The following SEMA5B variants were observed in gnomAD, a reference collection of about 807,000 sequenced individuals.
SEMA5B encodes semaphorin 5B, also known as semaphorin-5B.
A neutral mutation model predicts 135.0 loss-of-function variants in SEMA5B; 66 were observed. That is an observed-to-expected ratio of 0.49 (90% confidence interval 0.40 to 0.60). The LOEUF is 0.60. Among genes scored for constraint, SEMA5B ranks in the 20% least tolerant of loss-of-function variants. SEMA5B has a pLI of 0.00. For synonymous variants in SEMA5B, 690 were observed against 639.5 expected (o/e 1.08, Z -1.19); for missense variants, 1,501 against 1,566.3 (o/e 0.96, Z 0.70).
chr3:123,020,051 A>C (rs955716158), intron 1 of SEMA5B, among the ~76,000 whole-genome samples: 1 of 152,250 alleles, frequency 6.6e-6, no homozygotes, highest in African/African-American at 2.4e-5. Context: ...TAAATGGTCC[A>C]TGTGAAAAAG....
At chr3:122,946,535 C>T (rs1447889037) in intron 3 of SEMA5B, among the ~76,000 whole-genome samples, 2 of 152,088 alleles carry the variant, frequency 1.3e-5, no homozygotes, top group African/African-American at 2.4e-5. Context: ...ATCCCCAGAG[C>T]ACAGTCCTTT....
rs2107671890 is a variant in SEMA5B at position 122,978,542 on chromosome 3, G to A, written c.-38-17241C>T. Among the ~76,000 whole-genome samples the A allele has an allele frequency of 2.0e-5, 3 of 152,106 alleles. No homozygotes were observed. In the Middle Eastern group the frequency reaches 0.01, roughly 517 times the overall value. On this transcript the variant is annotated intron_variant, in intron 1 of 22. Coordinates refer to ENST00000357599, the MANE Select transcript of SEMA5B (RefSeq NM_001031702.4). ...GAGTTATGTTCCTGAAAACCTTACA[G>A]CTAAATAGGTAACTGCCAGAGAATG...
At chr3:122,983,056 G>A (rs1188913308) in intron 1 of SEMA5B, among the ~76,000 whole-genome samples, 1 of 152,094 alleles carries the variant, frequency 6.6e-6, no homozygotes, top group Non-Finnish European at 1.5e-5. Flanking sequence ...GCCAGGCAGG[G>A]CGGCTGCGGG....
At chr3:122,915,742 C>T (rs200160259) in intron 13 of SEMA5B, 31 bp downstream of exon 13, 1 of 1,609,580 alleles carries the variant, frequency 6.2e-7, no homozygotes, top group African/African-American at 1.3e-5. Context: ...AAGGAGGGGT[C>T]TGAGATGGGA....
chr3:122,914,231 C>G (rs1020079791), intron 14 of SEMA5B, among the ~76,000 whole-genome samples: 1 of 152,208 alleles, frequency 6.6e-6, no homozygotes, highest in Non-Finnish European at 1.5e-5. Flanking sequence ...TCATGCTGTG[C>G]TCAGGACTAA....
At chr3:122,937,849 C>T (rs76416590) in intron 5 of SEMA5B, among the ~76,000 whole-genome samples, 1,705 of 152,298 alleles carry the variant, frequency 0.011, 23 homozygotes, top group South Asian at 0.014. Flanking sequence ...ACCACAGGAA[C>T]CAAATAAAAA....
chr3:122,927,952 G>T lies in SEMA5B; in HGVS notation c.688C>A (p.Pro230Thr). The change falls in exon 8 of 23, where the codon CCC (proline) becomes ACC (threonine). Residue 230 changes from proline (P) to threonine (T), a missense_variant. Physicochemically the swap from Pro to Thr is conservative, Grantham distance 38. This residue lies in a region of SEMA5B where 574 missense variants were observed against 684.7 expected (regional missense o/e 0.84). Coordinates refer to ENST00000357599, the MANE Select transcript of SEMA5B (RefSeq NM_001031702.4). ...GTGGAGTTGTGGCGTGGGTCATAGGGGCAGCGGGCCACACCATTGATCTTC... is the reference window on the plus strand; with the variant it reads ...GTGGAGTTGTGGCGTGGGTCATAGGTGCAGCGGGCCACACCATTGATCTTC... ...IEKINGVARCPYDPRHNSTAV... is the reference protein window; with the variant it reads ...IEKINGVARCTYDPRHNSTAV... The T allele has an allele frequency of 6.4e-7, 1 of 1,573,830 alleles. No individual in the cohort carries two copies. Among genetic ancestry groups the T allele is most frequent in the Non-Finnish European group, 8.6e-7 (1 of 1,159,056 alleles).
At chr3:122,988,799 C>T (rs1007843203) in intron 1 of SEMA5B, among the ~76,000 whole-genome samples, 2 of 152,270 alleles carry the variant, frequency 1.3e-5, no homozygotes, top group East Asian at 1.9e-4. Flanking sequence ...GCTACCACAC[C>T]TCAATCAGCC....
At chr3:122,950,282 G>A (rs1379164216) in intron 2 of SEMA5B, among the ~76,000 whole-genome samples, 1 of 152,232 alleles carries the variant, frequency 6.6e-6, no homozygotes, top group Non-Finnish European at 1.5e-5. Flanking sequence ...CAGTCTTCCG[G>A]TGAAGCAGTG....
intron 1 of SEMA5B, among the ~76,000 whole-genome samples, chr3:122,965,495 T>G (rs1940779863): frequency 6.6e-6 from 1 of 152,192 alleles, no homozygotes; most frequent in Non-Finnish European, 1.5e-5. Flanking sequence ...CATTTGAATG[T>G]GATGTCTTGA....
intron 2 of SEMA5B, among the ~76,000 whole-genome samples, chr3:122,959,963 T>A (rs1360004594): frequency 6.6e-6 from 1 of 152,258 alleles, no homozygotes; most frequent in Non-Finnish European, 1.5e-5. Context: ...GCTAAGGATG[T>A]CGCCAGACGC....
intron 1 of SEMA5B, among the ~76,000 whole-genome samples, chr3:123,025,984 A>G (rs1189688180): frequency 6.6e-6 from 1 of 152,152 alleles, no homozygotes; most frequent in East Asian, 1.9e-4. Context: ...CCGGCTTAGA[A>G]AAGGTGAGAG....
At chr3:123,001,654 C>A (rs1245470032) in intron 1 of SEMA5B, among the ~76,000 whole-genome samples, 1 of 152,160 alleles carries the variant, frequency 6.6e-6, no homozygotes, top group Non-Finnish European at 1.5e-5. Flanking sequence ...TGCACTTAGA[C>A]AACATGAGCT....
chr3:122,979,721 G>A (rs1034855137), intron 1 of SEMA5B, among the ~76,000 whole-genome samples: 2 of 152,184 alleles, frequency 1.3e-5, no homozygotes, highest in South Asian at 4.1e-4. Context: ...CCATCCATCT[G>A]GTTTTCCCAA....
Position 122,935,686 on chromosome 3 carries a change from C to CTTTT in SEMA5B, c.474+3735_474+3738dup, listed in dbSNP as rs147968317. Among the ~76,000 whole-genome samples the CTTTT allele has an allele frequency of 4.4e-3, 311 of 70,226 alleles. 18 individuals carry two copies. Among genetic ancestry groups the CTTTT allele is most frequent in the Middle Eastern group, 0.041 (4 of 98 alleles). 46.1% of individuals were successfully genotyped at this position (70,226 alleles called of 152,430 possible). A position where few individuals can be genotyped will look rare whatever the true frequency, so the allele number is the denominator to read the frequency against. ...CACTTTTTTTTCTTTTTCTTTCTTTCTTTTTTTTTTTTTTTTTTTTTTTTG... is the reference window on the plus strand; with the variant it reads ...CACTTTTTTTTCTTTTTCTTTCTTTCTTTTTTTTTTTTTTTTTTTTTTTTTTTTG... On this transcript the variant is annotated intron_variant, in intron 5 of 22. Transcript: ENST00000357599.
In SEMA5B at chr3:122,915,494, C is replaced by T. The variant is rs751602604; in HGVS notation, c.1934G>A (p.Arg645His). 8.1e-6 allele frequency: 13 copies of T among 1,613,782 alleles called. No individual in the cohort carries two copies. The highest frequency in any genetic ancestry group is 1.6e-4 in the Middle Eastern group (1 of 6,082). The part of the protein sequence containing the change: ...RARSCDSPRP[R>H]CGGLDCLGPA... ...CCCCAGGCAGTCAAGGCCCCCACAGCGGGGTCGAGGGGAATCACAGGATCG... is the reference window on the plus strand; with the variant it reads ...CCCCAGGCAGTCAAGGCCCCCACAGTGGGGTCGAGGGGAATCACAGGATCG... The change falls in exon 14 of 23, where the codon CGC becomes CAC. Residue 645 changes from arginine to histidine, a missense_variant. By Grantham distance (29) the Arg-to-His change is conservative (BLOSUM62 0). This residue lies in a region of SEMA5B where 927 missense variants were observed against 881.6 expected (regional missense o/e 1.05). Transcript: ENST00000357599.
At position 122,939,413 on chromosome 3, in the gene SEMA5B, A is replaced by C; in HGVS notation, c.474+12T>G. The C allele has an allele frequency of 3.7e-6, 6 of 1,604,338 alleles. No individual in the cohort carries two copies. The Middle Eastern group carries it at 5.0e-4, about 133-fold the overall frequency. ...GAAATTATAGGAAGGGAAGGGAAGAAAGCAATCGTACCTGAAGAAGAGAGA... is the reference window on the plus strand; with the variant it reads ...GAAATTATAGGAAGGGAAGGGAAGACAGCAATCGTACCTGAAGAAGAGAGA... On this transcript the variant is annotated intron_variant, in intron 5 of 22. Coordinates refer to ENST00000357599, the MANE Select transcript of SEMA5B (RefSeq NM_001031702.4).
intron 5 of SEMA5B, 72 bp from the exon 6 acceptor site, chr3:122,929,130 G>T: frequency 6.9e-7 from 1 of 1,445,848 alleles, no homozygotes; most frequent in African/African-American, 1.4e-5. Context: ...TGGCAGAGCA[G>T]GCAGCAGCCA....
intron 1 of SEMA5B, among the ~76,000 whole-genome samples, chr3:122,964,236 CA>C (rs565702697): frequency 1.1e-3 from 166 of 152,330 alleles, no homozygotes; most frequent in African/African-American, 3.8e-3. Context: ...CTCCTATAGG[CA>C]ACCCATTGTC....
Sources: allele counts gnomAD v4.1 joint callset (sites outside exome capture counted in the v4.1 genomes callset), GRCh38; gene constraint gnomAD v4.1.1; regional missense constraint gnomAD v4.1.1; transcripts MANE v1.5; gene names NCBI Gene and HGNC (gene_info 2026-07-23, HGNC 2026-07-21).